The following NUAK1 variants were observed in gnomAD, a reference collection of about 807,000 sequenced individuals.
The protein encoded by NUAK1 is NUAK family kinase 1, also known as NUAK family SNF1-like kinase 1.
In NUAK1, 26 loss-of-function variants were observed where a neutral mutation model predicts 56.9. The observed-to-expected ratio is 0.46, with a 90% CI of 0.33 to 0.63. NUAK1 has a LOEUF of 0.63. Among genes scored for constraint, NUAK1 ranks in the 30% least tolerant of loss-of-function variants. NUAK1 has a pLI of 0.02. For synonymous variants in NUAK1, 337 were observed against 336.0 expected (o/e 1.00, Z -0.03); for missense variants, 727 against 876.1 (o/e 0.83, Z 2.15).
At chr12:106,095,568 G>A (rs981655831) in intron 2 of NUAK1, among the ~76,000 whole-genome samples, 4 of 152,200 alleles carry the variant, frequency 2.6e-5, no homozygotes, top group African/African-American at 9.7e-5. Context: ...ACGTCTCACT[G>A]TGAATATTAG....
intron 2 of NUAK1, among the ~76,000 whole-genome samples, chr12:106,098,220 A>G (rs897816253): frequency 2.0e-5 from 3 of 152,184 alleles, no homozygotes; most frequent in Non-Finnish European, 2.9e-5. Flanking sequence ...TTGTAGTGCA[A>G]TTTCTCTAGT....
At chr12:106,113,930 A>T (rs906515434) in intron 1 of NUAK1, among the ~76,000 whole-genome samples, 1 of 152,148 alleles carries the variant, frequency 6.6e-6, no homozygotes, top group African/African-American at 2.4e-5. Flanking sequence ...TGGTAACACA[A>T]GAGACGCTAA....
chr12:106,115,474 T>C (rs1236059947), intron 1 of NUAK1, among the ~76,000 whole-genome samples: 1 of 152,126 alleles, frequency 6.6e-6, no homozygotes, highest in African/African-American at 2.4e-5. Context: ...CTGCAGTCCG[T>C]CCCCCAAAGC....
Position 106,066,979 on chromosome 12 carries a change from A to G in NUAK1, c.1809T>C (p.Ser603=), listed in dbSNP as rs775407276. The change falls in exon 7 of 7, where the codon TCT becomes TCC. Residue 603 remains serine, a synonymous_variant. Coordinates refer to ENST00000261402, the MANE Select transcript of NUAK1 (RefSeq NM_014840.3). ...CCTGGATCTGGAGGAAGTTTTCTGC[A>G]GAGACGCAGCTGCGGATGCGCTGGC... ...PARQRIRSCV[S]AENFLQIQDF... is the part of the protein sequence containing the mutation. The G allele has an allele frequency of 3.7e-6, 6 of 1,614,238 alleles. No homozygotes were observed. The South Asian group carries it at 5.5e-5, about 15-fold the overall frequency.
At chr12:106,137,757 T>C (rs1467834287) in intron 1 of NUAK1, among the ~76,000 whole-genome samples, 1 of 152,234 alleles carries the variant, frequency 6.6e-6, no homozygotes, top group Non-Finnish European at 1.5e-5. Flanking sequence ...GCTATCTCTG[T>C]AGCTACCCAT....
intron 4 of NUAK1, 100 bp downstream of exon 4, chr12:106,083,764 T>C: frequency 1.0e-6 from 1 of 976,782 alleles, no homozygotes; most frequent in Non-Finnish European, 1.6e-6. Flanking sequence ...AGGTAGGAAG[T>C]GGCTGCCTTA....
intron 4 of NUAK1, among the ~76,000 whole-genome samples, chr12:106,073,642 A>T (rs889202097): frequency 6.6e-6 from 1 of 151,490 alleles, no homozygotes; most frequent in Non-Finnish European, 1.5e-5. Context: ...ACATGGAAAA[A>T]CCCCGTCTCT....
intron 2 of NUAK1, among the ~76,000 whole-genome samples, chr12:106,102,810 G>A (rs2136470172): frequency 6.6e-6 from 1 of 152,346 alleles, no homozygotes; most frequent in East Asian, 1.9e-4. Context: ...CTAGGTCACA[G>A]TGGAGGACTG....
intron 2 of NUAK1, among the ~76,000 whole-genome samples, chr12:106,099,934 G>A (rs186362243): frequency 6.6e-6 from 1 of 151,564 alleles, no homozygotes; most frequent in East Asian, 2.0e-4. Flanking sequence ...GGGACCACAG[G>A]CATGCACCAT....
intron 2 of NUAK1, among the ~76,000 whole-genome samples, chr12:106,093,522 G>A (rs550955859): frequency 1.5e-3 from 235 of 152,286 alleles, no homozygotes; most frequent in African/African-American, 5.4e-3. Context: ...TGCAGCTCTC[G>A]AGGTTAACAA....
intron 1 of NUAK1, among the ~76,000 whole-genome samples, chr12:106,108,022 C>T (rs1041205428): frequency 5.9e-5 from 9 of 151,796 alleles, no homozygotes; most frequent in Non-Finnish European, 1.2e-4. Context: ...ACGGTAGACC[C>T]GGGAAAACAT....
chr12:106,106,221 T>G, intron 2 of NUAK1, 184 bp downstream of exon 2: 1 of 472,774 alleles, frequency 2.1e-6, no homozygotes, highest in Non-Finnish European at 3.7e-6. Flanking sequence ...CAAAATGAGC[T>G]GCACTCATGT....
intron 3 of NUAK1, among the ~76,000 whole-genome samples, chr12:106,084,550 T>A (rs2436595): frequency 2.0e-5 from 3 of 152,048 alleles, no homozygotes. Context: ...CCAATGAGAC[T>A]GGGACCACTG....
chr12:106,120,441 G>A (rs936511229), intron 1 of NUAK1, among the ~76,000 whole-genome samples: 7 of 152,094 alleles, frequency 4.6e-5, no homozygotes, highest in African/African-American at 1.2e-4. Flanking sequence ...ACGAACAGAC[G>A]TTATGCAGAG....
At chr12:106,091,634 TGA>T (rs2136465082) in intron 2 of NUAK1, among the ~76,000 whole-genome samples, 1 of 152,026 alleles carries the variant, frequency 6.6e-6, no homozygotes, top group East Asian at 1.9e-4. Flanking sequence ...GAGCTGCAGG[TGA>T]GTCACACAGG....
chr12:106,082,929 C>T (rs1213422151), intron 4 of NUAK1, among the ~76,000 whole-genome samples: 1 of 152,170 alleles, frequency 6.6e-6, no homozygotes, highest in South Asian at 2.1e-4. Flanking sequence ...TTGGAGGGCT[C>T]CTGCTGGTGC....
chr12:106,128,604 T>C (rs1011796550), intron 1 of NUAK1, among the ~76,000 whole-genome samples: 3 of 152,212 alleles, frequency 2.0e-5, no homozygotes, highest in African/African-American at 7.2e-5. Flanking sequence ...ATCAAGCACC[T>C]TTGTGGCCCG....
intron 1 of NUAK1, among the ~76,000 whole-genome samples, chr12:106,118,164 C>T (rs2032937938): frequency 6.6e-6 from 1 of 152,106 alleles, no homozygotes; most frequent in African/African-American, 2.4e-5. Context: ...GTATGAATGG[C>T]CTCCCACCTA....
Position 106,067,940 on chromosome 12 carries a change from A to G in NUAK1, c.848T>C (p.Ile283Thr). Reference sequence around the variant, plus strand: ...GGGGTTCACCATCAGCATCCACCGTATGAGTCCTCGAGCATCTAAGGGACA... The same window carrying G: ...GGGGTTCACCATCAGCATCCACCGTGTGAGTCCTCGAGCATCTAAGGGACA... ...PTQPSDARGL[I>T]RWMLMVNPDR... is the part of the protein sequence containing the mutation. The change falls in exon 7 of 7, where the codon ATA becomes ACA. Residue 283 changes from isoleucine to threonine, a missense_variant. By Grantham distance (89) the Ile-to-Thr change is moderately conservative (BLOSUM62 -1). Coordinates refer to ENST00000261402, the MANE Select transcript of NUAK1 (RefSeq NM_014840.3). This position sits in a 1 kb window ranked among gnomAD's most constrained non-coding sequence, Gnocchi z 6.0. 6.2e-7 allele frequency: 1 copy of G among 1,608,882 alleles called. No homozygotes were observed. Among genetic ancestry groups the G allele is most frequent in the Non-Finnish European group, 8.5e-7 (1 of 1,176,420 alleles).
Sources: allele counts gnomAD v4.1 joint callset (sites outside exome capture counted in the v4.1 genomes callset), GRCh38; gene constraint gnomAD v4.1.1; non-coding constraint Gnocchi (gnomAD v3.1); transcripts MANE v1.5; gene names NCBI Gene and HGNC (gene_info 2026-07-23, HGNC 2026-07-21).